The following CREB3L2 variants were observed in gnomAD, a reference collection of about 807,000 sequenced individuals.
CREB3L2 encodes cAMP responsive element binding protein 3 like 2.
A neutral mutation model predicts 57.2 loss-of-function variants in CREB3L2; 23 were observed. The observed-to-expected ratio is 0.40, with a 90% confidence interval of 0.29 to 0.57. The LOEUF is 0.57. Ranked by LOEUF, CREB3L2 falls within the 20% of genes least tolerant of loss-of-function variation. The pLI is 0.42. For missense variants in CREB3L2, 628 were observed against 634.7 expected, an observed-to-expected ratio of 0.99 and a Z score of 0.11; for synonymous variants, 268 against 265.1, an observed-to-expected ratio of 1.01 and a Z score of -0.11.
chr7:137,942,912 C>G (rs982980238), intron 1 of CREB3L2, among the ~76,000 whole-genome samples: 1 of 152,092 alleles, frequency 6.6e-6, no homozygotes, highest in African/African-American at 2.4e-5. Flanking sequence ...TCAGAAAGTA[C>G]ACAAGGTTTG....
intron 2 of CREB3L2, among the ~76,000 whole-genome samples, chr7:137,922,417 T>TATATATATATATATATATATAC (rs1563253290): frequency 5.4e-4 from 13 of 24,084 alleles, no homozygotes; most frequent in Admixed American, 3.7e-3. Context: ...TATATATATG[T>TATATATATATATATATATATAC]ATATATATAT....
At position 137,885,426 on chromosome 7, in the gene CREB3L2, T is replaced by G. The variant is rs768812349; in HGVS notation, c.1120A>C (p.Thr374Pro). 10 of 1,614,174 alleles carry G rather than the reference T, an allele frequency of 6.2e-6. No homozygotes were observed. The highest frequency in any genetic ancestry group is 7.6e-6 in the Non-Finnish European group (9 of 1,180,006). Residue 374 changes from threonine to proline, a missense_variant, in exon 9 of 12, where the codon ACG becomes CCG. Around this residue, in one of 3 missense-constraint regions of CREB3L2, gnomAD observed 272 missense variants for 242.7 expected, o/e 1.12. Coordinates refer to ENST00000330387, the MANE Select transcript of CREB3L2 (RefSeq NM_194071.4). ...ACCATGAGGCAGGTGCCAGTCTGCG[T>G]GCCAGCTAACTTGCAGGTTCGAGAA... The part of the protein sequence containing the change: ...KVSRTCKLAG[T>P]QTGTCLMVVV...
chr7:137,972,715 ATAT>A (rs1801534295), intron 1 of CREB3L2, among the ~76,000 whole-genome samples: 3 of 32,136 alleles, frequency 9.3e-5, no homozygotes, highest in Non-Finnish European at 1.7e-4. Flanking sequence ...AAAAAAAAAT[ATAT>A]ATATATATAT....
chr7:137,884,069 G>T (rs144785716), intron 10 of CREB3L2, among the ~76,000 whole-genome samples: 1 of 152,260 alleles, frequency 6.6e-6, no homozygotes, highest in African/African-American at 2.4e-5. Context: ...GCAGTGGCAC[G>T]ATCTCGGCTC....
chr7:137,960,204 A>G (rs997870995), intron 1 of CREB3L2, among the ~76,000 whole-genome samples: 4 of 152,216 alleles, frequency 2.6e-5, no homozygotes, highest in African/African-American at 9.6e-5. Flanking sequence ...TGCCAAGAAC[A>G]TGTGGTTTGC....
At chr7:137,975,022 T>C (rs1395647781) in intron 1 of CREB3L2, among the ~76,000 whole-genome samples, 2 of 152,126 alleles carry the variant, frequency 1.3e-5, no homozygotes, top group African/African-American at 4.8e-5. Context: ...GAAATGACAT[T>C]TCAGCATCAA....
intron 1 of CREB3L2, among the ~76,000 whole-genome samples, chr7:137,947,790 T>C (rs1215211241): frequency 6.6e-6 from 1 of 152,216 alleles, no homozygotes; most frequent in South Asian, 2.1e-4. Context: ...GACACATTTA[T>C]ATAAGACACA....
Position 137,887,201 on chromosome 7 carries a change from A to C in CREB3L2, c.1044-1699T>G, listed in dbSNP as rs273931. Among the ~76,000 whole-genome samples the C allele has an allele frequency of 7.7e-3, 1,180 of 152,306 alleles. 12 individuals carry two copies. Among genetic ancestry groups the C allele is most frequent in the Middle Eastern group, 0.024 (7 of 294 alleles). On this transcript the variant is annotated intron_variant, in intron 8 of 11. Transcript: ENST00000330387. Reference sequence around the variant, plus strand: ...TGCTTCTCACCACAGTCTACCCCCGAATAGCATTCAGGTGCTAGAAGGACA... The same window carrying C: ...TGCTTCTCACCACAGTCTACCCCCGCATAGCATTCAGGTGCTAGAAGGACA...
At chr7:137,909,946 T>C (rs1048962137) in intron 4 of CREB3L2, among the ~76,000 whole-genome samples, 14 of 152,156 alleles carry the variant, frequency 9.2e-5, no homozygotes, top group African/African-American at 3.4e-4. Context: ...GGTTCTCATT[T>C]TCTCTATTGC....
At chr7:137,892,253 A>G (rs1013897963) in intron 8 of CREB3L2, among the ~76,000 whole-genome samples, 1 of 151,268 alleles carries the variant, frequency 6.6e-6, no homozygotes, top group Admixed American at 6.6e-5. Flanking sequence ...GTACATGTTC[A>G]TGTGGTAGTC....
chr7:137,944,342 C>T (rs921764634), intron 1 of CREB3L2, among the ~76,000 whole-genome samples: 4 of 152,162 alleles, frequency 2.6e-5, no homozygotes, highest in African/African-American at 4.8e-5. Context: ...AGAAATTGTG[C>T]CAATGCTAAT....
At chr7:137,942,379 T>C (rs1424730453) in intron 1 of CREB3L2, among the ~76,000 whole-genome samples, 1 of 152,186 alleles carries the variant, frequency 6.6e-6, no homozygotes, top group Non-Finnish European at 1.5e-5. Flanking sequence ...TCCCCTGTCA[T>C]TGAGCCACAG....
At position 137,880,160 on chromosome 7, in the gene CREB3L2, T is replaced by C; in HGVS notation, c.*316A>G. ...GGGGGTTACACCTCACAGGTGCACA[T>C]TAGGCAATATCTTTTTGGCACTATT... On this transcript the variant is annotated 3_prime_UTR_variant, in exon 12 of 12. Transcript: ENST00000330387. The surrounding 1 kb of genome is among the most constrained non-coding windows in gnomAD (Gnocchi z 4.0). The C allele has an allele frequency of 2.3e-6, 1 of 427,028 alleles. No homozygotes were observed. The allele number at this position is 427,028 out of a possible 1,614,324, so 26.5% of individuals were successfully genotyped here.
chr7:137,973,941 A>C (rs1212660081), intron 1 of CREB3L2, among the ~76,000 whole-genome samples: 1 of 152,212 alleles, frequency 6.6e-6, no homozygotes, highest in African/African-American at 2.4e-5. Context: ...GTCTCTGCTG[A>C]AGTGAATCTG....
At chr7:137,964,833 C>T (rs901706969) in intron 1 of CREB3L2, among the ~76,000 whole-genome samples, 7 of 152,186 alleles carry the variant, frequency 4.6e-5, no homozygotes, top group South Asian at 4.1e-4. Flanking sequence ...ATGATGGAGG[C>T]GGTTTCACCC....
In CREB3L2 at chr7:138,001,082, A is replaced by AACACACACAC. The variant is rs59967148; in HGVS notation, c.102+512_102+521dup. Reference sequence around the variant, plus strand: ...CTCCCTAACGTAGAGGAGCCCTTTCAACACACACACACACACACACACACA... The same window carrying AACACACACAC: ...CTCCCTAACGTAGAGGAGCCCTTTCAACACACACACACACACACACACACACACACACACA... On this transcript the variant is annotated intron_variant, in intron 1 of 11. Transcript: ENST00000330387. This position sits in a 1 kb window ranked among gnomAD's most constrained non-coding sequence, Gnocchi z 4.2. Among the ~76,000 whole-genome samples the AACACACACAC allele has an allele frequency of 0.018, 2,486 of 136,768 alleles. 41 individuals carry two copies. Among genetic ancestry groups the AACACACACAC allele is most frequent in the East Asian group, 0.054 (246 of 4,536 alleles). 89.7% of individuals were successfully genotyped at this position (136,768 alleles called of 152,430 possible).
intron 1 of CREB3L2, among the ~76,000 whole-genome samples, chr7:137,930,989 T>C (rs900465313): frequency 5.3e-5 from 8 of 149,684 alleles, no homozygotes; most frequent in African/African-American, 1.5e-4. Flanking sequence ...CTCAGTACTT[T>C]GGGAGGCTGA....
In CREB3L2 at chr7:137,972,684, C is replaced by CAAAAAAAAAAAAAAA. The variant is rs58627909; in HGVS notation, c.102+28905_102+28919dup. On this transcript the variant is annotated intron_variant, in intron 1 of 11. Transcript: ENST00000330387. ...CAACACAGTGAGATCCCCGTCTCTA[C>CAAAAAAAAAAAAAAA]AAAAAAAAAAAAAAAAAAAAAAAAA... Among the ~76,000 whole-genome samples the CAAAAAAAAAAAAAAA allele has an allele frequency of 2.1e-4, 2 of 9,656 alleles. 1 individual carries two copies. The highest frequency in any genetic ancestry group is 4.6e-4 in the Non-Finnish European group (2 of 4,370). 6.3% of individuals were successfully genotyped at this position (9,656 alleles called of 152,430 possible).
chr7:137,889,261 T>C (rs78135730), intron 8 of CREB3L2, among the ~76,000 whole-genome samples: 2,531 of 152,216 alleles, frequency 0.017, 71 homozygotes, highest in African/African-American at 0.057. Context: ...ACTGAAAGAA[T>C]ATCTTAGGCT....
Sources: allele counts gnomAD v4.1 joint callset (sites outside exome capture counted in the v4.1 genomes callset), GRCh38; gene constraint gnomAD v4.1.1; regional missense constraint gnomAD v4.1.1; non-coding constraint Gnocchi (gnomAD v3.1); transcripts MANE v1.5; gene names NCBI Gene and HGNC (gene_info 2026-07-23, HGNC 2026-07-21).